Variants in CTDSP1 observed in about 807,000 individuals in gnomAD.
CTDSP1 encodes CTD small phosphatase 1.
In CTDSP1, 15 loss-of-function variants were observed where a neutral mutation model predicts 32.5. That is an observed-to-expected ratio of 0.46 (90% confidence interval 0.31 to 0.71). CTDSP1 has a LOEUF of 0.71. Ranked by LOEUF, CTDSP1 falls within the 30% of genes least tolerant of loss-of-function variation. CTDSP1 has a pLI of 0.05. For missense variants in CTDSP1, 294 were observed against 351.1 expected, an observed-to-expected ratio of 0.84 and a Z score of 1.30; for synonymous variants, 185 against 145.4, an observed-to-expected ratio of 1.27 and a Z score of -1.96.
chr2:218,402,098 G>A lies in CTDSP1; in HGVS notation c.217-13G>A, dbSNP rs369082245. On this transcript the variant is annotated splice_polypyrimidine_tract_variant and intron_variant, in intron 2 of 6. Transcript: ENST00000273062. ...GGAGAGAGGCACCCCAGCCAGCCCC[G>A]CCCTCCCTACAGCAGACCCCAGTCC... The A allele has an allele frequency of 1.7e-5, 27 of 1,550,612 alleles. No homozygotes were observed. In the African/African-American group the frequency reaches 3.3e-4, roughly 19 times the overall value.
upstream of CTDSP1, among the ~76,000 whole-genome samples, chr2:218,397,349 G>T (rs953834248): frequency 6.6e-6 from 1 of 152,126 alleles, no homozygotes; most frequent in African/African-American, 2.4e-5. Context: ...GACCCTCCAG[G>T]AAGAGGGGTG....
chr2:218,398,574 C>T (rs1474710989), upstream of CTDSP1: 6 of 826,848 alleles, frequency 7.3e-6, no homozygotes, highest in East Asian at 1.3e-4. Flanking sequence ...CCTCCCTTCC[C>T]CTCCCGGCCC....
chr2:218,400,930 C>G (rs1379014788), intron 1 of CTDSP1: 2 of 432,380 alleles, frequency 4.6e-6, no homozygotes, highest in African/African-American at 4.7e-5. Context: ...CTGGCTGCCC[C>G]GGAACTGAGG....
chr2:218,402,679 G>C (rs548273517), intron 4 of CTDSP1: 1 of 765,184 alleles, frequency 1.3e-6, no homozygotes, highest in African/African-American at 1.7e-5. Context: ...AGGATAGGTT[G>C]TGTGCTGTCC....
At chr2:218,402,964 G>A (rs764860528) in intron 4 of CTDSP1, 71 bp from the exon 5 acceptor site, 38 of 1,162,576 alleles carry the variant, frequency 3.3e-5, no homozygotes, top group Non-Finnish European at 4.5e-5. Flanking sequence ...CCTGGCCCAT[G>A]CCCTGCCAGC....
intron 2 of CTDSP1, 108 bp downstream of exon 2, chr2:218,401,820 A>G: frequency 7.0e-6 from 8 of 1,137,934 alleles, no homozygotes; most frequent in Non-Finnish European, 9.7e-6. Context: ...CAGACCTGAA[A>G]GGTGCAGAGT....
chr2:218,404,159 T>C, intron 6 of CTDSP1, 138 bp from the exon 7 acceptor site: 1 of 968,350 alleles, frequency 1.0e-6, no homozygotes, highest in South Asian at 1.7e-5. Context: ...TGGGGATTGC[T>C]GTCAAAAAAG....
Position 218,401,294 on chromosome 2 carries a change from C to A in CTDSP1, c.68-270C>A, listed in dbSNP as rs1697122542. 1.1e-5 allele frequency: 6 copies of A among 532,852 alleles called. No individual in the cohort carries two copies. In the Admixed American group the frequency reaches 1.3e-4, roughly 12 times the overall value. The allele number at this position is 532,852 out of a possible 1,614,324, so 33.0% of individuals were successfully genotyped here. ...GGCTGTGAGAGGCAGGGAGAGAGCA[C>A]CCCAGGACCTCCTTCTCCAGGCCAC... On this transcript the variant is annotated intron_variant, in intron 1 of 6. Transcript: ENST00000273062.
Position 218,403,964 on chromosome 2 carries a change from G to A in CTDSP1, c.658-333G>A, listed in dbSNP as rs546420326. 2.0e-5 allele frequency among the ~76,000 whole-genome samples: 3 copies of A among 152,294 alleles called. No individual in the cohort carries two copies. In the East Asian group the frequency reaches 5.8e-4, roughly 29 times the overall value. ...AGTCCCGGCTATGCAGAAGGCTGAG[G>A]TAGGAGTATCACTTGAGCCCTGGAG... On this transcript the variant is annotated intron_variant, in intron 6 of 6. Transcript: ENST00000273062.
rs1035292288 is a variant in CTDSP1, at chr2:218,401,478, G to A, written c.68-86G>A. The A allele has an allele frequency of 1.8e-5, 26 of 1,476,552 alleles. No individual in the cohort carries two copies. The African/African-American group carries it at 3.5e-4, about 20-fold the overall frequency. The allele number at this position is 1,476,552 out of a possible 1,614,324, so 91.5% of individuals were successfully genotyped here. ...GAAGGGGCCACGGCAAGATCCTCCTGGCTCAGGGGTTCACACCTGGGCACA... is the reference window on the plus strand; with the variant it reads ...GAAGGGGCCACGGCAAGATCCTCCTAGCTCAGGGGTTCACACCTGGGCACA... On this transcript the variant is annotated intron_variant, in intron 1 of 6. Coordinates refer to ENST00000273062, the MANE Select transcript of CTDSP1 (RefSeq NM_021198.3).
At chr2:218,398,548 T>A (rs1357756579), upstream of CTDSP1, 1 of 1,167,476 alleles carries the variant, frequency 8.6e-7, no homozygotes. Context: ...CCGCGCCTTC[T>A]GGCAGACGCC....
chr2:218,404,624 C>A lies in CTDSP1; in HGVS notation c.*199C>A. ...CACTGAGGACCGTGAGCTCCAGGCC[C>A]CGTGTCAGTGCCTTCAAACCTCCTC... On this transcript the variant is annotated 3_prime_UTR_variant, in exon 7 of 7. Coordinates refer to ENST00000273062, the MANE Select transcript of CTDSP1 (RefSeq NM_021198.3). 1.7e-6 allele frequency: 1 copy of A among 594,920 alleles called. No homozygotes were observed. Among genetic ancestry groups the A allele is most frequent in the Non-Finnish European group, 2.9e-6 (1 of 349,250 alleles). The allele number at this position is 594,920 out of a possible 1,614,324, so 36.9% of individuals were successfully genotyped here. A position where few individuals can be genotyped will look rare whatever the true frequency, so the allele number is the denominator to read the frequency against.
At chr2:218,403,607 C>T (rs1015853469) in intron 6 of CTDSP1, 190 bp downstream of exon 6, 2 of 549,870 alleles carry the variant, frequency 3.6e-6, no homozygotes, top group Admixed American at 3.5e-5. Flanking sequence ...TGGTCTTTTC[C>T]CCTCGCACAA....
chr2:218,398,468 C>T (rs1001637847), upstream of CTDSP1: 1 of 1,528,902 alleles, frequency 6.5e-7, no homozygotes, highest in African/African-American at 1.4e-5. Flanking sequence ...GGGATCCAGC[C>T]CGGGGACCGG....
At chr2:218,401,483 A>T in intron 1 of CTDSP1, 81 bp from the exon 2 acceptor site, 1 of 1,518,966 alleles carries the variant, frequency 6.6e-7, no homozygotes, top group Non-Finnish European at 9.0e-7. Flanking sequence ...CTCCTGGCTC[A>T]GGGGTTCACA....
At chr2:218,398,531 G>A (rs1696938011), upstream of CTDSP1, 7 of 1,305,074 alleles carry the variant, frequency 5.4e-6, no homozygotes, top group African/African-American at 4.7e-5. Flanking sequence ...CTCAGCGCAC[G>A]AAGCCGCCGC....
In CTDSP1 at chr2:218,404,561, C is replaced by T. The variant is rs1283683805; in HGVS notation, c.*136C>T. 2 of 1,059,332 alleles carry T rather than the reference C, an allele frequency of 1.9e-6. No homozygotes were observed. Among genetic ancestry groups the T allele is most frequent in the Non-Finnish European group, 2.7e-6 (2 of 738,968 alleles). 65.6% of individuals were successfully genotyped at this position (1,059,332 alleles called of 1,614,324 possible). ...TGCCATGGGGAAGCGGGCGTCTCCC[C>T]CACCAGCCCCACCAGGCGGTGTAGG... On this transcript the variant is annotated 3_prime_UTR_variant, in exon 7 of 7. Transcript: ENST00000273062.
At chr2:218,400,418 G>A in intron 1 of CTDSP1, 1 of 572,426 alleles carries the variant, frequency 1.7e-6, no homozygotes, top group Non-Finnish European at 3.2e-6. Context: ...GGAACTCTTC[G>A]GGGGTTTCCT....
chr2:218,399,894 C>T lies in CTDSP1; in HGVS notation c.-197C>T. On this transcript the variant is annotated 5_prime_UTR_variant, in exon 1 of 7. Transcript: ENST00000273062. ...CATCCGCCTCGCGGGAAGGAAACTC[C>T]ATGTTGTAACAAAGTTTCCTCCGCG... is the stretch of plus-strand genomic sequence containing the variant. 1 of 1,264,474 alleles carries T rather than the reference C, an allele frequency of 7.9e-7. No individual in the cohort carries two copies. Among genetic ancestry groups the T allele is most frequent in the Non-Finnish European group, 9.9e-7 (1 of 1,005,574 alleles). 78.3% of individuals were successfully genotyped at this position (1,264,474 alleles called of 1,614,324 possible).
Sources: allele counts gnomAD v4.1 joint callset (sites outside exome capture counted in the v4.1 genomes callset), GRCh38; gene constraint gnomAD v4.1.1; transcripts MANE v1.5; gene names NCBI Gene and HGNC (gene_info 2026-07-23, HGNC 2026-07-21).